WDR37: variants seen among roughly 807,000 people sequenced by gnomAD.
The protein encoded by WDR37 is WD repeat-containing protein 37.
In WDR37, 19 loss-of-function variants were observed where a neutral mutation model predicts 62.9. That is an observed-to-expected ratio of 0.30 (90% confidence interval 0.21 to 0.44). The LOEUF (loss-of-function observed/expected upper bound fraction) is 0.44. Ranked by LOEUF, WDR37 falls within the 20% of genes least tolerant of loss-of-function variation. WDR37 has a pLI of 1.00. For missense variants in WDR37, 474 were observed against 657.6 expected, an observed-to-expected ratio of 0.72 and a Z score of 3.05; for synonymous variants, 250 against 260.9, an observed-to-expected ratio of 0.96 and a Z score of 0.40.
chr10:1,110,242 C>T (rs762640040), intron 11 of WDR37, among the ~76,000 whole-genome samples: 18 of 152,182 alleles, frequency 1.2e-4, no homozygotes, highest in Non-Finnish European at 2.1e-4. Flanking sequence ...TGTGCGCATG[C>T]AGGATGAGGG....
chr10:1,108,738 T>TGGGGG, intron 11 of WDR37, among the ~76,000 whole-genome samples: 1 of 59,786 alleles, frequency 1.7e-5, no homozygotes, highest in South Asian at 6.6e-4. Flanking sequence ...GCTTCTGTGA[T>TGGGGG]GCCCCCCCCC....
intron 9 of WDR37, among the ~76,000 whole-genome samples, chr10:1,098,047 C>A (rs941862438): frequency 2.6e-5 from 4 of 152,124 alleles, no homozygotes; most frequent in Non-Finnish European, 5.9e-5. Context: ...CTGTATTTGC[C>A]ATGCAAGAAG....
At chr10:1,091,823 C>G (rs951806682) in intron 7 of WDR37, among the ~76,000 whole-genome samples, 2 of 152,210 alleles carry the variant, frequency 1.3e-5, no homozygotes, top group African/African-American at 4.8e-5. Flanking sequence ...TCAAGCTATT[C>G]TGTCTACATT....
intron 7 of WDR37, among the ~76,000 whole-genome samples, chr10:1,087,763 T>C (rs998599781): frequency 2.0e-5 from 3 of 152,192 alleles, no homozygotes; most frequent in African/African-American, 7.2e-5. Context: ...CAAGTGAGCA[T>C]TGACTTCAGC....
At position 1,122,047 on chromosome 10, in the gene WDR37, T is replaced by C. The variant is rs551631677; in HGVS notation, c.1104-2171T>C. 1.5e-4 allele frequency among the ~76,000 whole-genome samples: 23 copies of C among 152,226 alleles called. No individual in the cohort carries two copies. The East Asian group carries it at 4.1e-3, about 27-fold the overall frequency. ...ACTAAATGAGGAGGATTTTCATAAATGGGCTTTGTGACTGCGTGGTGCTTC... is the reference window on the plus strand; with the variant it reads ...ACTAAATGAGGAGGATTTTCATAAACGGGCTTTGTGACTGCGTGGTGCTTC... On this transcript the variant is annotated intron_variant, in intron 11 of 13. Coordinates refer to ENST00000263150, the MANE Select transcript of WDR37 (RefSeq NM_014023.4).
chr10:1,107,638 A>G (rs923278098), intron 11 of WDR37, among the ~76,000 whole-genome samples: 3 of 150,606 alleles, frequency 2.0e-5, no homozygotes, highest in African/African-American at 7.4e-5. Flanking sequence ...CTCTTTACAC[A>G]TGTGTACACA....
chr10:1,079,929 T>A, intron 3 of WDR37, 82 bp from the exon 4 acceptor site: 3 of 1,137,784 alleles, frequency 2.6e-6, no homozygotes, highest in Admixed American at 4.1e-5. Context: ...TAGCATTTTT[T>A]CTGTGTGCGA....
rs202101908 is a variant in WDR37, at chr10:1,095,008, G to A, written c.650-1162G>A. On this transcript the variant is annotated intron_variant, in intron 8 of 13. Transcript: ENST00000263150. ...TGAGGTGATGGGGATAGCGAGGAGG[G>A]TTAGACTGGGAAACATGAGGTAATG... Among the ~76,000 whole-genome samples the A allele has an allele frequency of 7.2e-5, 11 of 151,734 alleles. No individual in the cohort carries two copies. The East Asian group carries it at 2.0e-3, about 27-fold the overall frequency.
chr10:1,124,942 C>T lies in WDR37; in HGVS notation c.1271C>T (p.Ala424Val). ...INVCVGQKIIALPHDNRQVRL... is the reference protein window; with the variant it reads ...INVCVGQKIIVLPHDNRQVRL... ...GTATGTGTCGGCCAAAAAATCATAG[C>T]CCTCCCCCATGACAACCGACAAGTG... is the stretch of plus-strand genomic sequence containing the variant. The change falls in exon 13 of 14, where the codon GCC becomes GTC. Residue 424 changes from alanine to valine, a missense_variant. Ala to Val is a moderately conservative substitution (Grantham distance 64). Transcript: ENST00000263150. 1.2e-6 allele frequency: 2 copies of T among 1,614,168 alleles called. No individual in the cohort carries two copies. The highest frequency in any genetic ancestry group is 1.1e-5 in the South Asian group (1 of 91,078).
chr10:1,118,983 A>G (rs1281347182), intron 11 of WDR37, among the ~76,000 whole-genome samples: 1 of 152,200 alleles, frequency 6.6e-6, no homozygotes, highest in Non-Finnish European at 1.5e-5. Context: ...ACATTCTAAA[A>G]CTGATAACGT....
At chr10:1,097,197 G>C (rs1323541395) in intron 9 of WDR37, among the ~76,000 whole-genome samples, 1 of 152,214 alleles carries the variant, frequency 6.6e-6, no homozygotes, top group Non-Finnish European at 1.5e-5. Context: ...TTCCCAGCCT[G>C]TGTCTGTGAC....
In WDR37 at chr10:1,103,786, C is replaced by A; in HGVS notation, c.911C>A (p.Thr304Lys). ...KQAVTASWDR[T>K]ANLYDVETSE... The stretch of plus-strand genomic sequence containing the variant: ...GCTGTGACTGCCTCCTGGGACCGGA[C>A]GGCAAACCTGTACGACGTGGAGACG... Residue 304 changes from threonine to lysine, a missense_variant, in exon 10 of 14, where the codon ACG (threonine) becomes AAG (lysine). By Grantham distance (78) the Thr-to-Lys change is moderately conservative. Coordinates refer to ENST00000263150, the MANE Select transcript of WDR37 (RefSeq NM_014023.4). The surrounding 1 kb of genome is among the most constrained non-coding windows in gnomAD (Gnocchi z 6.3). 1 of 1,614,226 alleles carries A rather than the reference C, an allele frequency of 6.2e-7. No individual in the cohort carries two copies. The highest frequency in any genetic ancestry group is 8.5e-7 in the Non-Finnish European group (1 of 1,180,050).
intron 9 of WDR37, among the ~76,000 whole-genome samples, chr10:1,101,420 C>T (rs1000931246): frequency 1.1e-4 from 16 of 152,172 alleles, no homozygotes; most frequent in African/African-American, 3.6e-4. Context: ...ACAAGGATGT[C>T]AGTCCTATTG....
chr10:1,066,270 C>T (rs548528962), intron 1 of WDR37, among the ~76,000 whole-genome samples: 8 of 152,232 alleles, frequency 5.3e-5, no homozygotes, highest in African/African-American at 1.4e-4. Context: ...TGCCTGCCAC[C>T]ACGCCCTGCT....
chr10:1,065,043 A>G (rs958366245), intron 1 of WDR37, among the ~76,000 whole-genome samples: 1 of 152,220 alleles, frequency 6.6e-6, no homozygotes, highest in African/African-American at 2.4e-5. Flanking sequence ...GACCTACTCT[A>G]TGAAAATAAC....
At chr10:1,086,151 T>G in intron 6 of WDR37, 135 bp from the exon 7 acceptor site, 1 of 680,764 alleles carries the variant, frequency 1.5e-6, no homozygotes, top group East Asian at 2.8e-5. Context: ...GCATACAGAG[T>G]AATAGAATCA....
At position 1,103,103 on chromosome 10, in the gene WDR37, T is replaced by C. The variant is rs1056261854; in HGVS notation, c.727-499T>C. Reference sequence around the variant, plus strand: ...AATGTGTTTGTTTTAGCCTTGGCCTTTGACAGGGGGCTTGATGTTACAAAG... The same window carrying C: ...AATGTGTTTGTTTTAGCCTTGGCCTCTGACAGGGGGCTTGATGTTACAAAG... On this transcript the variant is annotated intron_variant, in intron 9 of 13. Coordinates refer to ENST00000263150, the MANE Select transcript of WDR37 (RefSeq NM_014023.4). This position sits in a 1 kb window ranked among gnomAD's most constrained non-coding sequence, Gnocchi z 6.3. 1.1e-4 allele frequency among the ~76,000 whole-genome samples: 17 copies of C among 152,198 alleles called. No individual in the cohort carries two copies. The highest frequency in any genetic ancestry group is 1.9e-4 in the African/African-American group (8 of 41,452).
At chr10:1,112,907 G>A (rs1184551156) in intron 11 of WDR37, among the ~76,000 whole-genome samples, 1 of 152,244 alleles carries the variant, frequency 6.6e-6, no homozygotes, top group Non-Finnish European at 1.5e-5. Flanking sequence ...AGCAGCAAGT[G>A]CTGATGGAGA....
At chr10:1,119,833 C>T (rs947884731) in intron 11 of WDR37, among the ~76,000 whole-genome samples, 31 of 152,150 alleles carry the variant, frequency 2.0e-4, no homozygotes, top group African/African-American at 7.0e-4. Flanking sequence ...TAGTGCAGCC[C>T]TTATCAGTGA....
Sources: allele counts gnomAD v4.1 joint callset (sites outside exome capture counted in the v4.1 genomes callset), GRCh38; gene constraint gnomAD v4.1.1; non-coding constraint Gnocchi (gnomAD v3.1); transcripts MANE v1.5; gene names NCBI Gene and HGNC (gene_info 2026-07-23, HGNC 2026-07-21).